MICALL1: variants seen among roughly 807,000 people sequenced by gnomAD.
The protein encoded by MICALL1 is MICAL like 1, also known as MICAL-like protein 1.
MICALL1 carries 61 observed loss-of-function variants against 83.7 expected under a neutral mutation model. That is an observed-to-expected ratio of 0.73 (90% CI 0.59 to 0.90). The LOEUF (loss-of-function observed/expected upper bound fraction) is 0.90. Ranked by LOEUF, MICALL1 falls within the 40% of genes least tolerant of loss-of-function variation. The pLI is 0.00. For synonymous variants in MICALL1, 481 were observed against 473.6 expected (o/e 1.02, Z -0.20); for missense variants, 1,066 against 1,152.0 (o/e 0.93, Z 1.08).
At chr22:37,922,601 ATTTTTTTTTT>A (rs1198282750) in intron 6 of MICALL1, among the ~76,000 whole-genome samples, 175 bp downstream of exon 6, 1 of 31,944 alleles carries the variant, frequency 3.1e-5, no homozygotes, top group African/African-American at 1.1e-4. Context: ...ATATATATAT[ATTTTTTTTTT>A]TTTTTTTTTT....
At chr22:37,921,818 CT>C (rs1447941251) in intron 5 of MICALL1, among the ~76,000 whole-genome samples, 153 bp from the exon 6 acceptor site, 1 of 152,164 alleles carries the variant, frequency 6.6e-6, no homozygotes, top group African/African-American at 2.4e-5. Context: ...TTACTGTTTT[CT>C]TTATCCTCTG....
At chr22:37,938,720 C>G (rs1350155712) in intron 15 of MICALL1, among the ~76,000 whole-genome samples, 4 of 151,094 alleles carry the variant, frequency 2.6e-5, no homozygotes, top group Non-Finnish European at 1.5e-5. Flanking sequence ...CTCCCAAGTT[C>G]AAGCAATTCT....
Position 37,932,671 on chromosome 22 carries a change from G to C in MICALL1, c.2135G>C (p.Gly712Ala). ...CTGCTGGAGGAGAAGCTGCGTGGCG[G>C]CCTGAATGGTGCGGGAGCGGCTGGG... ...GVLLEEKLRG[G>A]LNEGREDDML... is the part of the protein sequence containing the mutation. Residue 712 changes from glycine (G) to alanine (A), a missense_variant, in exon 11 of 16, where the codon GGC becomes GCC. Coordinates refer to ENST00000215957, the MANE Select transcript of MICALL1 (RefSeq NM_033386.4). This position sits in a 1 kb window ranked among gnomAD's most constrained non-coding sequence, Gnocchi z 4.4. 6.2e-7 allele frequency: 1 copy of C among 1,613,838 alleles called. No homozygotes were observed.
chr22:37,906,308 G>T lies in MICALL1; in HGVS notation c.-115G>T. The T allele has an allele frequency of 1.3e-6, 1 of 789,086 alleles. No individual in the cohort carries two copies. The highest frequency in any genetic ancestry group is 1.2e-4 in the East Asian group (1 of 8,026). 48.9% of individuals were successfully genotyped at this position (789,086 alleles called of 1,614,324 possible). A position where few individuals can be genotyped will look rare whatever the true frequency, so the allele number is the denominator to read the frequency against. On this transcript the variant is annotated 5_prime_UTR_variant, in exon 1 of 16. Coordinates refer to ENST00000215957, the MANE Select transcript of MICALL1 (RefSeq NM_033386.4). This position sits in a 1 kb window ranked among gnomAD's most constrained non-coding sequence, Gnocchi z 4.4. ...CCGCCCCTCCCCTCGCCTGCCGGTC[G>T]GCGCCCGAGCTCGGAGCCGCAGCCG...
At chr22:37,929,032 A>C (rs1160768418) in intron 9 of MICALL1, among the ~76,000 whole-genome samples, 1 of 152,034 alleles carries the variant, frequency 6.6e-6, no homozygotes, top group Non-Finnish European at 1.5e-5. Flanking sequence ...CTGAGGTAGG[A>C]GAATTGCTTG....
intron 3 of MICALL1, among the ~76,000 whole-genome samples, chr22:37,915,967 T>G (rs1928650448): frequency 6.6e-6 from 1 of 152,332 alleles, no homozygotes; most frequent in South Asian, 2.1e-4. Context: ...TTCTTACTAC[T>G]TCTTATTTCA....
chr22:37,932,887 G>A lies in MICALL1; in HGVS notation c.2233G>A (p.Val745Ile), dbSNP rs138650293. The change falls in exon 12 of 16, where the codon GTC becomes ATC. Residue 745 changes from valine to isoleucine, a missense_variant and splice_region_variant. Physicochemically the swap from Val to Ile is conservative, Grantham distance 29 (BLOSUM62 3). Coordinates refer to ENST00000215957, the MANE Select transcript of MICALL1 (RefSeq NM_033386.4). The surrounding 1 kb of genome is among the most constrained non-coding windows in gnomAD (Gnocchi z 4.4). ...GCGGCGAGAGTCCGAGCTCATCTAT[G>A]TGTGAGTCCCCCCGCCTGGGGCATC... ...LVRRESELIY[V>I]FKQQNLEQRQ... 4 of 1,613,978 alleles carry A rather than the reference G, an allele frequency of 2.5e-6. No individual in the cohort carries two copies. The highest frequency in any genetic ancestry group is 2.7e-5 in the African/African-American group (2 of 74,920).
intron 13 of MICALL1, among the ~76,000 whole-genome samples, chr22:37,934,829 C>G (rs1195773161): frequency 6.6e-6 from 1 of 150,940 alleles, no homozygotes; most frequent in African/African-American, 2.4e-5. Flanking sequence ...ATCTCCTGAC[C>G]TTGTGATCCA....
chr22:37,912,437 C>T lies in MICALL1; in HGVS notation c.282C>T (p.Leu94=), dbSNP rs751212781. 6.2e-7 allele frequency: 1 copy of T among 1,614,020 alleles called. No individual in the cohort carries two copies. The highest frequency in any genetic ancestry group is 8.5e-7 in the Non-Finnish European group (1 of 1,179,920). ...DMVSMSVPDC[L]SIMTYVSQYY... ...TCTCCATGAGCGTCCCTGACTGCCT[C>T]AGCATCATGACCTATGTGTCCCAGT... is the stretch of plus-strand genomic sequence containing the variant. Residue 94 remains leucine, a synonymous_variant, in exon 3 of 16, where the codon CTC becomes CTT. Coordinates refer to ENST00000215957, the MANE Select transcript of MICALL1 (RefSeq NM_033386.4).
intron 9 of MICALL1, among the ~76,000 whole-genome samples, chr22:37,928,033 A>G (rs531199232): frequency 1.1e-4 from 17 of 151,410 alleles, no homozygotes; most frequent in Non-Finnish European, 1.3e-4. Context: ...TGAGCCCCCA[A>G]GTAGCTGGTA....
chr22:37,910,730 G>C (rs1429995854), intron 1 of MICALL1, among the ~76,000 whole-genome samples: 1 of 152,204 alleles, frequency 6.6e-6, no homozygotes, highest in African/African-American at 2.4e-5. Context: ...GCCTGGAAAA[G>C]TGTTGGGGGC....
intron 5 of MICALL1, among the ~76,000 whole-genome samples, 159 bp from the exon 6 acceptor site, chr22:37,921,813 G>A (rs556085217): frequency 6.6e-6 from 1 of 152,288 alleles, no homozygotes; most frequent in Admixed American, 6.5e-5. Flanking sequence ...GACAGTTACT[G>A]TTTTCTTTAT....
chr22:37,939,344 T>C (rs1382590625), intron 15 of MICALL1, among the ~76,000 whole-genome samples: 1 of 152,242 alleles, frequency 6.6e-6, no homozygotes, highest in Non-Finnish European at 1.5e-5. Context: ...TATTAGTCAA[T>C]TTCAAAGGCC....
chr22:37,937,713 C>T, intron 14 of MICALL1, 33 bp from the exon 15 acceptor site: 1 of 1,610,040 alleles, frequency 6.2e-7, no homozygotes, highest in South Asian at 1.1e-5. Flanking sequence ...TGTGAGCCAC[C>T]ACGCCCAGCT....
Position 37,940,734 on chromosome 22 carries a change from G to C in MICALL1, c.2496G>C (p.Glu832Asp). ...KKEFQREAEPEGKKKGKFKTM... is the reference protein window; with the variant it reads ...KKEFQREAEPDGKKKGKFKTM... ...AGTTCCAGAGGGAGGCTGAACCTGA[G>C]GGCAAGAAGAAGGGGAAGTTCAAGA... is the stretch of plus-strand genomic sequence containing the variant. Residue 832 changes from glutamate (E) to aspartate (D), a missense_variant, in exon 16 of 16, where the codon GAG (glutamate) becomes GAC (aspartate). By Grantham distance (45) the Glu-to-Asp change is conservative. Coordinates refer to ENST00000215957, the MANE Select transcript of MICALL1 (RefSeq NM_033386.4). The C allele has an allele frequency of 6.2e-7, 1 of 1,614,018 alleles. No homozygotes were observed. The highest frequency in any genetic ancestry group is 8.5e-7 in the Non-Finnish European group (1 of 1,179,914).
chr22:37,916,582 C>T (rs1411084634), intron 3 of MICALL1, among the ~76,000 whole-genome samples: 4 of 152,176 alleles, frequency 2.6e-5, no homozygotes, highest in African/African-American at 7.2e-5. Flanking sequence ...AGTTTGGAGC[C>T]TGCCCCTGGC....
chr22:37,917,545 G>A lies in MICALL1; in HGVS notation c.338-162G>A, dbSNP rs9607500. ...CAGCACTTGGCTTAAAACTGGAAGC[G>A]TCCCCGGGCCCGTGTGAAGCGGGAG... On this transcript the variant is annotated intron_variant, in intron 3 of 15. Transcript: ENST00000215957. Among the ~76,000 whole-genome samples, 1,098 of 152,142 alleles carry A rather than the reference G, an allele frequency of 7.2e-3. 9 individuals are homozygous for A. The highest frequency in any genetic ancestry group is 0.014 in the Middle Eastern group (4 of 294).
intron 3 of MICALL1, among the ~76,000 whole-genome samples, chr22:37,914,584 G>A (rs1442805332): frequency 6.6e-6 from 1 of 151,008 alleles, no homozygotes; most frequent in Non-Finnish European, 1.5e-5. Context: ...ACATATATAT[G>A]TACATATATT....
At chr22:37,920,911 C>T (rs1452265359) in intron 5 of MICALL1, among the ~76,000 whole-genome samples, 1 of 151,296 alleles carries the variant, frequency 6.6e-6, no homozygotes, top group African/African-American at 2.4e-5. Flanking sequence ...GGGCGACAGA[C>T]TGAGACTCCG....
Sources: allele counts gnomAD v4.1 joint callset (sites outside exome capture counted in the v4.1 genomes callset), GRCh38; gene constraint gnomAD v4.1.1; non-coding constraint Gnocchi (gnomAD v3.1); transcripts MANE v1.5; gene names NCBI Gene and HGNC (gene_info 2026-07-23, HGNC 2026-07-21).